The following CASR variants were observed in gnomAD, a reference collection of about 807,000 sequenced individuals.
The protein encoded by CASR is extracellular calcium-sensing receptor.
Under a neutral mutation model 69.1 loss-of-function variants are expected in CASR, and 23 were observed. The observed-to-expected ratio is 0.33, with a 90% confidence interval of 0.24 to 0.47. CASR has a LOEUF of 0.47. Among genes scored for constraint, CASR ranks in the 20% least tolerant of loss-of-function variants. The pLI is 1.00. For missense variants in CASR, 924 were observed against 1,356.1 expected, an observed-to-expected ratio of 0.68 and a Z score of 5.00; for synonymous variants, 541 against 544.7, an observed-to-expected ratio of 0.99 and a Z score of 0.10.
chr3:122,185,674 CTTGCTG>C (rs926549396), intron 1 of CASR, among the ~76,000 whole-genome samples: 12 of 152,090 alleles, frequency 7.9e-5, no homozygotes, highest in Non-Finnish European at 1.8e-4. Context: ...TCAGTCACAC[CTTGCTG>C]TTGCTTTTCC....
chr3:122,286,726 T>C lies in CASR; in HGVS notation c.*1535T>C, dbSNP rs2074973686. 1.3e-5 allele frequency: 2 copies of C among 152,218 alleles called. No homozygotes were observed. Among genetic ancestry groups the C allele is most frequent in the African/African-American group, 4.8e-5 (2 of 41,430 alleles). The allele number at this position is 152,218 out of a possible 1,614,324, so 9.4% of individuals were successfully genotyped here. ...GTGGCCCAATGCCCTGTCTCCGCAG[T>C]GTCAGGGCCTGGACCTCCAGCATCC... On this transcript the variant is annotated 3_prime_UTR_variant, in exon 7 of 7. Coordinates refer to ENST00000639785, the MANE Select transcript of CASR (RefSeq NM_000388.4).
chr3:122,276,789 C>A (rs1005757394), intron 5 of CASR, among the ~76,000 whole-genome samples: 1 of 152,138 alleles, frequency 6.6e-6, no homozygotes, highest in Non-Finnish European at 1.5e-5. Flanking sequence ...CAGCTAGAAG[C>A]CTGTTAATAA....
chr3:122,263,988 A>C (rs1331148684), intron 4 of CASR, among the ~76,000 whole-genome samples: 1 of 152,128 alleles, frequency 6.6e-6, no homozygotes, highest in African/African-American at 2.4e-5. Context: ...GCAAGACAAG[A>C]GTAGGGTTGA....
chr3:122,254,357 G>C lies in CASR; in HGVS notation c.168G>C (p.Glu56Asp), dbSNP rs1250155407. The change falls in exon 2 of 7, where the codon GAG becomes GAC. Residue 56 changes from glutamate to aspartate, a missense_variant. Glu to Asp is a conservative substitution (Grantham distance 45, BLOSUM62 2). Coordinates refer to ENST00000639785, the MANE Select transcript of CASR (RefSeq NM_000388.4). ...ATCAAGATCTCAAATCAAGGCCGGA[G>C]TCTGTGGAATGTATCAGGTAAGAAG... ...AKDQDLKSRP[E>D]SVECIRYNFR... is the part of the protein sequence containing the mutation. 6.2e-7 allele frequency: 1 copy of C among 1,614,176 alleles called. No homozygotes were observed. The highest frequency in any genetic ancestry group is 8.5e-7 in the Non-Finnish European group (1 of 1,180,020).
rs1233607453 is a variant in CASR, at chr3:122,287,455, C to G, written c.*2264C>G. 2 of 152,238 alleles carry G rather than the reference C, an allele frequency of 1.3e-5. No individual in the cohort carries two copies. The highest frequency in any genetic ancestry group is 2.9e-5 in the Non-Finnish European group (2 of 68,042). 9.4% of individuals were successfully genotyped at this position (152,238 alleles called of 1,614,324 possible). A position where few individuals can be genotyped will look rare whatever the true frequency, so the allele number is the denominator to read the frequency against. On this transcript the variant is annotated 3_prime_UTR_variant, in exon 7 of 7. Transcript: ENST00000639785. Reference sequence around the variant, plus strand: ...TTCTACAACAACTTAATTTCTATCTCAAATTCCCCTCCAGCCTAGTGACAG... The same window carrying G: ...TTCTACAACAACTTAATTTCTATCTGAAATTCCCCTCCAGCCTAGTGACAG...
At chr3:122,273,785 G>A (rs1053562834) in intron 4 of CASR, among the ~76,000 whole-genome samples, 4 of 152,152 alleles carry the variant, frequency 2.6e-5, no homozygotes, top group Admixed American at 6.6e-5. Context: ...GTGGGAGTGA[G>A]GGCAGTATTA....
intron 4 of CASR, among the ~76,000 whole-genome samples, chr3:122,268,866 C>T (rs969944983): frequency 5.9e-5 from 9 of 152,238 alleles, no homozygotes; most frequent in African/African-American, 2.2e-4. Flanking sequence ...CACAAGAAAC[C>T]ACAGTAATGC....
Position 122,288,610 on chromosome 3 carries a change from A to G in CASR, c.*3419A>G, listed in dbSNP as rs983905942. 1 of 152,016 alleles carries G rather than the reference A, an allele frequency of 6.6e-6. No homozygotes were observed. Among genetic ancestry groups the G allele is most frequent in the Admixed American group, 6.6e-5 (1 of 15,262 alleles). 9.4% of individuals were successfully genotyped at this position (152,016 alleles called of 1,614,324 possible). ...TTCCTCTACATCTGCTTGGGAAAGT[A>G]TAAACCTCATATTCTAAGTCTTTGC... On this transcript the variant is annotated 3_prime_UTR_variant, in exon 7 of 7. Coordinates refer to ENST00000639785, the MANE Select transcript of CASR (RefSeq NM_000388.4).
chr3:122,283,895 C>G lies in CASR; in HGVS notation c.1941C>G (p.Asn647Lys), dbSNP rs2074925635. 1 of 1,613,724 alleles carries G rather than the reference C, an allele frequency of 6.2e-7. No homozygotes were observed. Among genetic ancestry groups the G allele is most frequent in the South Asian group, 1.1e-5 (1 of 91,066 alleles). Residue 647 changes from asparagine to lysine, a missense_variant, in exon 7 of 7, where the codon AAC becomes AAG. Around this residue, in one of 8 missense-constraint regions of CASR, gnomAD observed 184 missense variants for 278.8 expected, o/e 0.66. Coordinates refer to ENST00000639785, the MANE Select transcript of CASR (RefSeq NM_000388.4). ...FRNTPIVKATNRELSYLLLFS... is the reference protein window; with the variant it reads ...FRNTPIVKATKRELSYLLLFS... ...ACACACCCATTGTCAAGGCCACCAA[C>G]CGAGAGCTCTCCTACCTCCTCCTCT...
At chr3:122,211,026 G>A (rs1218671208) in intron 1 of CASR, among the ~76,000 whole-genome samples, 2 of 152,160 alleles carry the variant, frequency 1.3e-5, no homozygotes, top group Non-Finnish European at 2.9e-5. Context: ...GGGAGAATGG[G>A]CTAGCCATAT....
intron 1 of CASR, among the ~76,000 whole-genome samples, chr3:122,211,260 C>T (rs1333175051): frequency 6.6e-6 from 1 of 152,154 alleles, no homozygotes; most frequent in Non-Finnish European, 1.5e-5. Flanking sequence ...AACTAAAGAG[C>T]TTCTGCACAG....
intron 1 of CASR, among the ~76,000 whole-genome samples, chr3:122,240,489 A>G (rs1385740873): frequency 6.6e-6 from 1 of 152,202 alleles, no homozygotes; most frequent in Non-Finnish European, 1.5e-5. Context: ...AGGGTATAAC[A>G]ATTTTAAATA....
chr3:122,233,698 G>A (rs2074301169), intron 1 of CASR, among the ~76,000 whole-genome samples: 1 of 152,080 alleles, frequency 6.6e-6, no homozygotes, highest in African/African-American at 2.4e-5. Context: ...GGGCGGTTGT[G>A]GTATTTCTGT....
intron 1 of CASR, among the ~76,000 whole-genome samples, chr3:122,232,121 G>A (rs929865721): frequency 1.3e-5 from 2 of 152,102 alleles, no homozygotes; most frequent in African/African-American, 2.4e-5. Context: ...AGTTTATATT[G>A]CAACCCCAAG....
intron 1 of CASR, among the ~76,000 whole-genome samples, chr3:122,211,753 A>T (rs534620080): frequency 2.0e-5 from 3 of 152,106 alleles, no homozygotes; most frequent in Non-Finnish European, 4.4e-5. Flanking sequence ...TGGGCAAAGG[A>T]CGTGAACAGA....
intron 1 of CASR, chr3:122,246,461 A>G (rs1417066914): frequency 2.0e-5 from 3 of 152,224 alleles, no homozygotes; most frequent in African/African-American, 7.2e-5. Context: ...GCGGAGCCAC[A>G]AACTTGGCTT....
intron 1 of CASR, among the ~76,000 whole-genome samples, chr3:122,193,094 C>A (rs1174589543): frequency 4.6e-5 from 7 of 152,020 alleles, no homozygotes; most frequent in Non-Finnish European, 7.4e-5. Context: ...TTTTCATCAC[C>A]CCTCACATTG....
At chr3:122,231,585 T>C (rs1263683558) in intron 1 of CASR, among the ~76,000 whole-genome samples, 1 of 152,234 alleles carries the variant, frequency 6.6e-6, no homozygotes, top group African/African-American at 2.4e-5. Context: ...GAAACTCATC[T>C]TCCATTCTTT....
Position 122,289,570 on chromosome 3 carries a change from T to A in CASR, c.*4379T>A, listed in dbSNP as rs899137001. On this transcript the variant is annotated 3_prime_UTR_variant, in exon 7 of 7. Coordinates refer to ENST00000639785, the MANE Select transcript of CASR (RefSeq NM_000388.4). ...GCAAGTGGTATGAGAAATGGAGAACTGCTAGGTGAAGGCCAACAGGGCAGG... is the reference window on the plus strand; with the variant it reads ...GCAAGTGGTATGAGAAATGGAGAACAGCTAGGTGAAGGCCAACAGGGCAGG... The A allele has an allele frequency of 5.9e-5, 9 of 152,462 alleles. No individual in the cohort carries two copies. The highest frequency in any genetic ancestry group is 1.7e-4 in the African/African-American group (7 of 41,448). 9.4% of individuals were successfully genotyped at this position (152,462 alleles called of 1,614,324 possible).
Sources: gnomAD v4.1 joint callset for allele counts (sites outside exome capture counted in the v4.1 genomes callset) on GRCh38, gnomAD v4.1.1 for gene constraint, gnomAD v4.1.1 regional missense constraint, MANE v1.5 for transcripts, NCBI Gene and HGNC (gene_info 2026-07-23, HGNC 2026-07-21) for gene names.